Variants in NUDC observed in about 807,000 individuals in gnomAD.
NUDC encodes the protein nuclear distribution C, dynein complex regulator, also known as nuclear migration protein nudC.
NUDC carries 14 observed loss-of-function variants against 45.0 expected under a neutral mutation model. The observed-to-expected ratio is 0.31, with a 90% CI of 0.21 to 0.49. NUDC has a LOEUF of 0.49. NUDC is among the 20% of genes least tolerant of loss of function. NUDC has a pLI of 0.99. For missense variants in NUDC, 323 were observed against 426.2 expected (o/e 0.76, Z 2.13); for synonymous variants, 153 against 156.7 (o/e 0.98, Z 0.17).
In NUDC at chr1:26,913,526, G is replaced by T. The variant is rs372581033; in HGVS notation, c.93+2291G>T. 5 of 1,613,620 alleles carry T rather than the reference G, an allele frequency of 3.1e-6. No homozygotes were observed. The South Asian group carries it at 3.3e-5, about 11-fold the overall frequency. On this transcript the variant is annotated intron_variant, in intron 3 of 6. Coordinates refer to the NUDC transcript ENST00000435827. ...TGCACCGCAGCCAGGGAGGGCTGGG[G>T]TCTGTCTGGCAGTTGGCCACTGCCT...
intron 2 of NUDC, among the ~76,000 whole-genome samples, chr1:26,932,812 C>T (rs2124116100): frequency 6.6e-6 from 1 of 152,218 alleles, no homozygotes; most frequent in South Asian, 2.1e-4. Flanking sequence ...ACTGTAGATA[C>T]TTCATATAAA....
At chr1:26,914,825 G>A (rs2082052529) in intron 3 of NUDC, among the ~76,000 whole-genome samples, 1 of 151,660 alleles carries the variant, frequency 6.6e-6, no homozygotes, top group Admixed American at 6.6e-5. Context: ...AAATTAGCCG[G>A]GCATGGTGGC....
Position 26,930,258 on chromosome 1 carries a change from C to T in NUDC, c.159+6092C>T, listed in dbSNP as rs371523658. ...CGATCATGATTCACTGCAGCCATGA[C>T]CACTAGGCTCAGGCGGTCCTCTCAC... On this transcript the variant is annotated intron_variant, in intron 2 of 8. Coordinates refer to ENST00000321265, the MANE Select transcript of NUDC (RefSeq NM_006600.4). Among the ~76,000 whole-genome samples, 4 of 152,274 alleles carry T rather than the reference C, an allele frequency of 2.6e-5. No homozygotes were observed. The East Asian group carries it at 7.7e-4, about 29-fold the overall frequency.
chr1:26,934,606 G>T (rs968034204), intron 2 of NUDC, among the ~76,000 whole-genome samples: 1 of 151,578 alleles, frequency 6.6e-6, no homozygotes, highest in Non-Finnish European at 1.5e-5. Flanking sequence ...GTATTACTTC[G>T]TTCTCATGCT....
intron 3 of NUDC, chr1:26,913,281 TG>T (rs2082039081): frequency 1.1e-6 from 1 of 871,054 alleles, no homozygotes; most frequent in African/African-American, 1.7e-5. Flanking sequence ...AGTGAGACTC[TG>T]TCTCAGAAAA....
intron 2 of NUDC, among the ~76,000 whole-genome samples, chr1:26,904,621 T>C (rs999705052): frequency 1.3e-5 from 2 of 152,022 alleles, no homozygotes; most frequent in Non-Finnish European, 1.5e-5. Context: ...ACAAGTATAG[T>C]GTTTAAGAGC....
chr1:26,906,354 A>G (rs2095637), intron 2 of NUDC, among the ~76,000 whole-genome samples: 23,688 of 151,052 alleles, frequency 0.16, 1,990 homozygotes, highest in African/African-American at 0.21. Flanking sequence ...TACTCGGGAA[A>G]CTGAGGCACA....
chr1:26,911,103 G>C, intron 2 of NUDC: 1 of 470,956 alleles, frequency 2.1e-6, no homozygotes. Context: ...GAAAATAATG[G>C]ACCACTCTCT....
intron 2 of NUDC, among the ~76,000 whole-genome samples, chr1:26,937,954 T>C (rs1435249498): frequency 6.6e-6 from 1 of 152,208 alleles, no homozygotes; most frequent in Non-Finnish European, 1.5e-5. Flanking sequence ...CGACCTGGAT[T>C]AGCATTTGAA....
rs148569409 is a variant in NUDC, at chr1:26,913,506, C to T, written c.93+2271C>T. The T allele has an allele frequency of 9.4e-5, 151 of 1,613,452 alleles. No homozygotes were observed. Among genetic ancestry groups the T allele is most frequent in the East Asian group, 1.1e-4 (5 of 44,848 alleles). On this transcript the variant is annotated intron_variant, in intron 3 of 6. Coordinates refer to the NUDC transcript ENST00000435827. The stretch of plus-strand genomic sequence containing the variant: ...CCAGACAGCATTGAAGCCACTGCAC[C>T]GCAGCCAGGGAGGGCTGGGGTCTGT...
chr1:26,946,306 A>G lies in NUDC; in HGVS notation c.*125A>G, dbSNP rs2124147591. The stretch of plus-strand genomic sequence containing the variant: ...AGGCATGGGACTGGCCCAGGCACAC[A>G]GGTCCCGGGGCATCAGGAGAAAGGC... On this transcript the variant is annotated 3_prime_UTR_variant, in exon 9 of 9. Transcript: ENST00000321265. 1.2e-6 allele frequency: 1 copy of G among 834,628 alleles called. No homozygotes were observed. The highest frequency in any genetic ancestry group is 2.1e-6 in the Non-Finnish European group (1 of 481,222). The allele number at this position is 834,628 out of a possible 1,614,324, so 51.7% of individuals were successfully genotyped here.
At chr1:26,931,567 T>G (rs1477634865) in intron 2 of NUDC, among the ~76,000 whole-genome samples, 81 of 149,144 alleles carry the variant, frequency 5.4e-4, no homozygotes, top group Non-Finnish European at 7.4e-5. Context: ...GATCATGAGG[T>G]CAGGAGATCG....
chr1:26,913,716 G>A (rs1410393316), intron 3 of NUDC: 3 of 1,608,628 alleles, frequency 1.9e-6, no homozygotes, highest in East Asian at 2.2e-5. Context: ...GCTGCCAGAA[G>A]GATGGCAGGT....
chr1:26,942,551 T>G (rs2082286748), intron 4 of NUDC, 109 bp from the exon 5 acceptor site: 4 of 1,537,728 alleles, frequency 2.6e-6, no homozygotes, highest in Non-Finnish European at 3.6e-6. Context: ...CCAGGTCTGT[T>G]TTCTTTTGTG....
intron 3 of NUDC, chr1:26,912,199 G>A (rs927884415): frequency 3.2e-5 from 41 of 1,274,550 alleles, no homozygotes; most frequent in Admixed American, 9.2e-5. Context: ...TCCTTTGCTC[G>A]GCCTTTGAGG....
intron 2 of NUDC, among the ~76,000 whole-genome samples, chr1:26,933,958 T>G (rs1262787200): frequency 1.3e-5 from 2 of 151,808 alleles, no homozygotes; most frequent in Non-Finnish European, 2.9e-5. Flanking sequence ...ATCAAGAACA[T>G]CCTGGCCAAC....
exon 1 of NUDC, chr1:26,900,319 C>G (rs1330991169): frequency 6.2e-7 from 1 of 1,614,082 alleles, no homozygotes; most frequent in South Asian, 1.1e-5. Context: ...AGGAAGCCAC[C>G]GCCGCGCTCT....
At chr1:26,933,476 C>T (rs1487471553) in intron 2 of NUDC, among the ~76,000 whole-genome samples, 1 of 151,966 alleles carries the variant, frequency 6.6e-6, no homozygotes, top group African/African-American at 2.4e-5. Flanking sequence ...TGCAATGATG[C>T]AATCTCGGCT....
At position 26,921,805 on chromosome 1, in the gene NUDC, G is replaced by C. The variant is rs2082093238; in HGVS notation, c.-44G>C. 1 of 1,538,544 alleles carries C rather than the reference G, an allele frequency of 6.5e-7. No individual in the cohort carries two copies. The highest frequency in any genetic ancestry group is 1.4e-5 in the African/African-American group (1 of 72,760). On this transcript the variant is annotated 5_prime_UTR_variant, in exon 1 of 9. Transcript: ENST00000321265. ...GACCCGCAGGAGCGTAGAGAGCGCGGGACTAGAGTGCAGAGCTCCGGGACG... is the reference window on the plus strand; with the variant it reads ...GACCCGCAGGAGCGTAGAGAGCGCGCGACTAGAGTGCAGAGCTCCGGGACG...
Sources: gnomAD v4.1 joint callset for allele counts (sites outside exome capture counted in the v4.1 genomes callset) on GRCh38, gnomAD v4.1.1 for gene constraint, MANE v1.5 for transcripts, NCBI Gene and HGNC (gene_info 2026-07-23, HGNC 2026-07-21) for gene names.